The following OLAH variants were observed in gnomAD, a reference collection of about 807,000 sequenced individuals.
OLAH encodes oleoyl-ACP hydrolase, also known as S-acyl fatty acid synthase thioesterase, medium chain.
Under a neutral mutation model 27.8 loss-of-function variants are expected in OLAH, and 33 were observed. The ratio of observed to expected loss-of-function variants is 1.19; its 90% confidence interval spans 0.90 to 1.59. The LOEUF is 1.59. OLAH is among the 40% of genes most tolerant of loss of function. The pLI, the probability that OLAH is intolerant of heterozygous loss-of-function variation, is 0.00. For missense variants in OLAH, 359 were observed against 310.8 expected, an observed-to-expected ratio of 1.16 and a Z score of -1.17; for synonymous variants, 120 against 102.9, an observed-to-expected ratio of 1.17 and a Z score of -1.01.
intron 3 of OLAH, among the ~76,000 whole-genome samples, chr10:15,059,492 G>C (rs972155675): frequency 6.6e-6 from 1 of 151,668 alleles, no homozygotes; most frequent in Non-Finnish European, 1.5e-5. Flanking sequence ...TGGCAGGCTT[G>C]AACAATTTCT....
intron 3 of OLAH, among the ~76,000 whole-genome samples, chr10:15,053,285 G>A (rs1489691819): frequency 2.0e-5 from 3 of 152,170 alleles, no homozygotes; most frequent in Non-Finnish European, 4.4e-5. Flanking sequence ...AGTCACCGCC[G>A]GTTCCAGGGA....
chr10:15,035,097 TGGGGTTGTTCATTGAACTCCCAG>T (rs977211467), intron 1 of OLAH, among the ~76,000 whole-genome samples: 2 of 152,034 alleles, frequency 1.3e-5, no homozygotes, highest in African/African-American at 4.8e-5. Flanking sequence ...GTTAAAAGGC[TGGGGTTGTTCATTGAACTCCCAG>T]AAGTAGGAGT....
rs1844456058 is a variant in OLAH at position 15,065,773 on chromosome 10, T to A, written c.572+20T>A. 1.3e-6 allele frequency: 2 copies of A among 1,575,404 alleles called. No homozygotes were observed. Among genetic ancestry groups the A allele is most frequent in the Non-Finnish European group, 1.7e-6 (2 of 1,162,740 alleles). On this transcript the variant is annotated intron_variant, in intron 6 of 7. Coordinates refer to ENST00000378228, the MANE Select transcript of OLAH (RefSeq NM_001039702.3). ...TTGCACGTAAGTAACAGAAACAAGG[T>A]TTTTTCTTTTTTTGGTACAATTATT...
At chr10:15,043,828 T>C (rs1843964702), upstream of OLAH, 1 of 152,214 alleles carries the variant, frequency 6.6e-6, no homozygotes, top group Non-Finnish European at 1.5e-5. Context: ...GTGTCTCCTC[T>C]GGGCCACAGC....
chr10:15,069,893 G>A (rs1844547834), intron 6 of OLAH, among the ~76,000 whole-genome samples: 1 of 152,034 alleles, frequency 6.6e-6, no homozygotes, highest in South Asian at 2.1e-4. Context: ...AAAAGAGGCT[G>A]TGAGTCAGTG....
intron 3 of OLAH, among the ~76,000 whole-genome samples, chr10:15,057,276 C>T (rs997218035): frequency 4.6e-5 from 7 of 152,074 alleles, no homozygotes; most frequent in Non-Finnish European, 8.8e-5. Context: ...ACTTATACCA[C>T]ATGAATAGCC....
chr10:15,049,864 T>A, intron 3 of OLAH, 99 bp downstream of exon 3: 1 of 1,110,806 alleles, frequency 9.0e-7, no homozygotes, highest in South Asian at 1.5e-5. Context: ...TCCTGGTAGG[T>A]AATTGATAAT....
At chr10:15,034,769 C>T (rs950834109) in intron 1 of OLAH, among the ~76,000 whole-genome samples, 11 of 151,256 alleles carry the variant, frequency 7.3e-5, no homozygotes, top group East Asian at 2.0e-4. Context: ...TAAGACTGTA[C>T]TGCAGACAGT....
Position 15,061,825 on chromosome 10 carries a change from G to C in OLAH, c.265G>C (p.Val89Leu), listed in dbSNP as rs930214636. The C allele has an allele frequency of 3.1e-6, 5 of 1,613,900 alleles. No homozygotes were observed. In the African/African-American group the frequency reaches 6.7e-5, roughly 22 times the overall value. Residue 89 changes from valine to leucine, a missense_variant, in exon 4 of 8, where the codon GTC (valine) becomes CTC (leucine). By Grantham distance (32) the Val-to-Leu change is conservative (BLOSUM62 1). Transcript: ENST00000378228. ...VDEVVCALQP[V>L]IQDKPFAFFG... Reference sequence around the variant, plus strand: ...TGAAGTTGTTTGTGCTCTGCAGCCAGTCATCCAGGATAAACCATTTGCATT... The same window carrying C: ...TGAAGTTGTTTGTGCTCTGCAGCCACTCATCCAGGATAAACCATTTGCATT...
Position 15,073,202 on chromosome 10 carries a change from A to G in OLAH, c.771A>G (p.Leu257=). The change falls in exon 8 of 8, where the codon CTA becomes CTG. Residue 257 remains leucine, a synonymous_variant. Transcript: ENST00000378228. ...KLIKNYIIKC[L]EVSSISNF ...TCAAGAACTACATAATCAAGTGTCT[A>G]GAAGTATCATCGATATCCAATTTTT... is the stretch of plus-strand genomic sequence containing the variant. 1 of 1,600,068 alleles carries G rather than the reference A, an allele frequency of 6.2e-7. No individual in the cohort carries two copies. The highest frequency in any genetic ancestry group is 1.1e-5 in the South Asian group (1 of 89,532).
intron 3 of OLAH, among the ~76,000 whole-genome samples, chr10:15,052,675 C>T (rs1474753806): frequency 6.6e-6 from 1 of 151,102 alleles, no homozygotes; most frequent in Non-Finnish European, 1.5e-5. Context: ...AGTCTGATAT[C>T]ATCCTGATTT....
At chr10:15,061,552 T>C (rs1844363745) in intron 3 of OLAH, among the ~76,000 whole-genome samples, 172 bp from the exon 4 acceptor site, 1 of 152,198 alleles carries the variant, frequency 6.6e-6, no homozygotes, top group African/African-American at 2.4e-5. Flanking sequence ...TGCTATATTT[T>C]ATCTTCTTGC....
chr10:15,034,804 C>CTTTTTT (rs71505056), intron 1 of OLAH, among the ~76,000 whole-genome samples: 1 of 83,468 alleles, frequency 1.2e-5, no homozygotes, highest in Non-Finnish European at 2.8e-5. Flanking sequence ...TTCTTTCTTT[C>CTTTTTT]TTTTTTTTTT....
At chr10:15,071,643 T>G in intron 6 of OLAH, 152 bp from the exon 7 acceptor site, 2 of 1,411,604 alleles carry the variant, frequency 1.4e-6, no homozygotes, top group Non-Finnish European at 1.9e-6. Flanking sequence ...CTTTGACAGG[T>G]AGAAGTGCCA....
intron 7 of OLAH, among the ~76,000 whole-genome samples, 200 bp downstream of exon 7, chr10:15,072,077 G>A (rs545426212): frequency 9.7e-4 from 148 of 152,164 alleles, no homozygotes; most frequent in Non-Finnish European, 1.9e-3. Flanking sequence ...GGGATTACAG[G>A]TGCCGGCCAC....
At chr10:15,060,497 T>C (rs1844341889) in intron 3 of OLAH, among the ~76,000 whole-genome samples, 1 of 151,984 alleles carries the variant, frequency 6.6e-6, no homozygotes, top group African/African-American at 2.4e-5. Flanking sequence ...ATAGTTTCTT[T>C]TTCTATGTTT....
At chr10:15,043,156 A>T (rs528854258), upstream of OLAH, among the ~76,000 whole-genome samples, 1 of 151,634 alleles carries the variant, frequency 6.6e-6, no homozygotes, top group East Asian at 1.9e-4. Flanking sequence ...CACCGCGTCC[A>T]GCCATCCACG....
intron 3 of OLAH, among the ~76,000 whole-genome samples, chr10:15,050,703 G>A (rs1844119770): frequency 6.6e-6 from 1 of 151,960 alleles, no homozygotes; most frequent in South Asian, 2.1e-4. Flanking sequence ...ACAGCGCCCA[G>A]CTAATTTTTT....
chr10:15,034,115 C>CT lies in OLAH; in HGVS notation c.-164+1781dup, dbSNP rs1285548864. Among the ~76,000 whole-genome samples, 118 of 77,844 alleles carry CT rather than the reference C, an allele frequency of 1.5e-3. 1 individual carries two copies. Among genetic ancestry groups the CT allele is most frequent in the South Asian group, 3.6e-3 (6 of 1,646 alleles). The allele number at this position is 77,844 out of a possible 152,430, so 51.1% of individuals were successfully genotyped here. On this transcript the variant is annotated intron_variant, in intron 1 of 3. Coordinates refer to the OLAH transcript ENST00000413672. The stretch of plus-strand genomic sequence containing the variant: ...GCAGACTCCACCATTTTTTTTTTTT[C>CT]TTTTTTTTTTTTTTTTGAGACGGAG...
Sources: gnomAD v4.1 joint callset for allele counts (sites outside exome capture counted in the v4.1 genomes callset) on GRCh38, gnomAD v4.1.1 for gene constraint, MANE v1.5 for transcripts, NCBI Gene and HGNC (gene_info 2026-07-23, HGNC 2026-07-21) for gene names.